LRRC4C: variants seen among roughly 807,000 people sequenced by gnomAD.
The protein encoded by LRRC4C is leucine rich repeat containing 4C.
Under a neutral mutation model 33.6 loss-of-function variants are expected in LRRC4C, and 5 were observed. That is an observed-to-expected ratio of 0.15 (90% CI 0.08 to 0.31). The LOEUF (loss-of-function observed/expected upper bound fraction) is 0.31, where lower values mean the gene tolerates loss of function less well. Ranked by LOEUF, LRRC4C falls within the 10% of genes least tolerant of loss-of-function variation. The pLI is 1.00. For missense variants in LRRC4C, 560 were observed against 796.7 expected (o/e 0.70, Z 3.58); for synonymous variants, 329 against 302.0 (o/e 1.09, Z -0.93).
chr11:41,353,615 A>G (rs939898969), intron 1 of LRRC4C, among the ~76,000 whole-genome samples: 2 of 152,162 alleles, frequency 1.3e-5, no homozygotes, highest in African/African-American at 4.8e-5. Context: ...AGATGCAAAA[A>G]CCTTCAACAA....
intron 1 of LRRC4C, among the ~76,000 whole-genome samples, chr11:41,046,747 C>G (rs1249963008): frequency 6.6e-6 from 1 of 152,142 alleles, no homozygotes; most frequent in Non-Finnish European, 1.5e-5. Flanking sequence ...CAGTAGCACT[C>G]ATGAATAACC....
intron 2 of LRRC4C, among the ~76,000 whole-genome samples, chr11:40,852,274 A>T (rs1011250737): frequency 6.6e-6 from 1 of 152,078 alleles, no homozygotes; most frequent in Non-Finnish European, 1.5e-5. Flanking sequence ...GTATGACAGG[A>T]TCTGGTCTTT....
chr11:40,705,189 C>G (rs1946089104), intron 2 of LRRC4C, among the ~76,000 whole-genome samples: 2 of 151,996 alleles, frequency 1.3e-5, no homozygotes, highest in Non-Finnish European at 2.9e-5. Flanking sequence ...GTTTCAAACT[C>G]AGATTTTGTT....
At chr11:40,743,529 G>A (rs1290181644) in intron 2 of LRRC4C, among the ~76,000 whole-genome samples, 2 of 152,052 alleles carry the variant, frequency 1.3e-5, no homozygotes, top group Non-Finnish European at 2.9e-5. Context: ...ATATTATAGG[G>A]TTGTAAGATA....
intron 1 of LRRC4C, among the ~76,000 whole-genome samples, chr11:41,097,569 A>G (rs1242740547): frequency 1.3e-5 from 2 of 152,166 alleles, no homozygotes; most frequent in Non-Finnish European, 2.9e-5. Flanking sequence ...GAAACCATTG[A>G]AGAACCTGAA....
intron 2 of LRRC4C, among the ~76,000 whole-genome samples, chr11:40,779,435 TATTG>T (rs1950133708): frequency 2.0e-5 from 3 of 152,170 alleles, no homozygotes; most frequent in Admixed American, 6.5e-5. Flanking sequence ...TTACATAATA[TATTG>T]ATTAATTGAA....
At chr11:40,638,419 T>G (rs1414265396) in intron 3 of LRRC4C, among the ~76,000 whole-genome samples, 1 of 152,198 alleles carries the variant, frequency 6.6e-6, no homozygotes, top group Non-Finnish European at 1.5e-5. Flanking sequence ...CCTCTGTAAT[T>G]CATTGGCTCT....
At chr11:40,435,880 C>T (rs1003171771) in intron 3 of LRRC4C, among the ~76,000 whole-genome samples, 75 of 152,196 alleles carry the variant, frequency 4.9e-4, no homozygotes, top group African/African-American at 1.7e-3. Flanking sequence ...TTTGGCTTCA[C>T]CTTGCTTGTT....
intron 1 of LRRC4C, among the ~76,000 whole-genome samples, chr11:41,365,796 G>A (rs1190620045): frequency 1.3e-5 from 2 of 152,146 alleles, no homozygotes; most frequent in East Asian, 1.9e-4. Flanking sequence ...TACCTGCATG[G>A]TGGGATACTT....
intron 2 of LRRC4C, among the ~76,000 whole-genome samples, chr11:40,864,253 G>C (rs1452999850): frequency 2.0e-5 from 3 of 151,954 alleles, no homozygotes; most frequent in African/African-American, 7.2e-5. Context: ...ATTTTTAGTA[G>C]AGATGAGGTT....
At chr11:40,248,953 T>C (rs1866554526) in intron 4 of LRRC4C, among the ~76,000 whole-genome samples, 1 of 152,168 alleles carries the variant, frequency 6.6e-6, no homozygotes, top group Non-Finnish European at 1.5e-5. Flanking sequence ...ACAACGGCAG[T>C]GACTGCTTTT....
intron 1 of LRRC4C, among the ~76,000 whole-genome samples, chr11:41,056,998 A>G (rs940682344): frequency 3.3e-5 from 5 of 152,148 alleles, no homozygotes; most frequent in Non-Finnish European, 5.9e-5. Flanking sequence ...ATGGCTGCAA[A>G]CTGGACATCC....
chr11:40,679,441 A>G (rs1050666888), intron 2 of LRRC4C, among the ~76,000 whole-genome samples: 4 of 152,174 alleles, frequency 2.6e-5, no homozygotes. Context: ...TCTCCAGGGC[A>G]TGTCAGAGAC....
intron 1 of LRRC4C, among the ~76,000 whole-genome samples, chr11:40,987,173 G>A (rs1853077433): frequency 6.6e-6 from 1 of 152,146 alleles, no homozygotes; most frequent in South Asian, 2.1e-4. Flanking sequence ...TGGTACAAGT[G>A]GGATTCCAAC....
At chr11:41,150,283 T>G (rs569559888) in intron 1 of LRRC4C, among the ~76,000 whole-genome samples, 5 of 152,326 alleles carry the variant, frequency 3.3e-5, no homozygotes, top group African/African-American at 1.2e-4. Flanking sequence ...CTACTTAAAC[T>G]TCAGCTCCAA....
intron 3 of LRRC4C, among the ~76,000 whole-genome samples, chr11:40,448,627 C>T (rs1951748634): frequency 6.6e-6 from 1 of 152,162 alleles, no homozygotes; most frequent in African/African-American, 2.4e-5. Context: ...ATATGTACCA[C>T]AGTTTTTTAT....
chr11:40,312,968 T>C (rs1945386289), intron 4 of LRRC4C, among the ~76,000 whole-genome samples: 1 of 152,068 alleles, frequency 6.6e-6, no homozygotes, highest in Non-Finnish European at 1.5e-5. Flanking sequence ...AGTCCAACAT[T>C]TTTGCCACTC....
chr11:40,910,317 A>T (rs1956611539), intron 2 of LRRC4C, among the ~76,000 whole-genome samples: 2 of 152,188 alleles, frequency 1.3e-5, no homozygotes, highest in African/African-American at 2.4e-5. Context: ...AAGACAAAAA[A>T]AGGAAAGGAT....
At chr11:41,308,498 C>T (rs145248757) in intron 1 of LRRC4C, among the ~76,000 whole-genome samples, 1 of 152,074 alleles carries the variant, frequency 6.6e-6, no homozygotes, top group Non-Finnish European at 1.5e-5. Context: ...TGGGTGGGGA[C>T]AGGGGCATCA....
Sources: allele counts gnomAD v4.1 joint callset (sites outside exome capture counted in the v4.1 genomes callset), GRCh38; gene constraint gnomAD v4.1.1; transcripts MANE v1.5; gene names NCBI Gene and HGNC (gene_info 2026-07-23, HGNC 2026-07-21).